The following AGBL4 variants were observed in gnomAD, a reference collection of about 807,000 sequenced individuals.
The protein encoded by AGBL4 is cytosolic carboxypeptidase 6.
A neutral mutation model predicts 66.4 loss-of-function variants in AGBL4; 58 were observed. The ratio of observed to expected loss-of-function variants is 0.87; its 90% CI spans 0.71 to 1.09. The LOEUF (loss-of-function observed/expected upper bound fraction) is 1.09, where lower values mean the gene tolerates loss of function less well. Among genes scored for constraint, AGBL4 ranks in the 50% least tolerant of loss-of-function variants. The pLI, the probability that AGBL4 is intolerant of heterozygous loss-of-function variation, is 0.00. For synonymous variants in AGBL4, 234 were observed against 222.9 expected (o/e 1.05, Z -0.44); for missense variants, 579 against 631.0 (o/e 0.92, Z 0.88).
At chr1:49,533,158 C>T (rs987897217) in intron 3 of AGBL4, among the ~76,000 whole-genome samples, 2 of 152,114 alleles carry the variant, frequency 1.3e-5, no homozygotes, top group South Asian at 2.1e-4. Context: ...CCCTTCTCTT[C>T]ACAACCACAC....
intron 3 of AGBL4, among the ~76,000 whole-genome samples, chr1:49,339,725 T>C (rs187564076): frequency 8.5e-5 from 13 of 152,344 alleles, no homozygotes; most frequent in Non-Finnish European, 1.2e-4. Flanking sequence ...ATTTTTATTA[T>C]AGAAATGGTT....
At chr1:49,948,012 A>ATATATTTATATTTATAAATATATATT in intron 1 of AGBL4, among the ~76,000 whole-genome samples, 1 of 49,826 alleles carries the variant, frequency 2.0e-5, no homozygotes, top group Non-Finnish European at 3.0e-5. Flanking sequence ...ATATATAAAT[A>ATATATTTATATTTATAAATATATATT]TATAAATATA....
rs567511006 is a variant in AGBL4 at position 49,194,331 on chromosome 1, C to T, written c.377+51439G>A. ...TCAGTTTTATTTGATATAAGAAGAG[C>T]TTCTCCTGCTCATTTTTGGTTTCCA... On this transcript the variant is annotated intron_variant, in intron 4 of 13. Coordinates refer to ENST00000371839, the MANE Select transcript of AGBL4 (RefSeq NM_032785.4). Among the ~76,000 whole-genome samples, 5 of 152,086 alleles carry T rather than the reference C, an allele frequency of 3.3e-5. No individual in the cohort carries two copies. The East Asian group carries it at 7.7e-4, about 23-fold the overall frequency.
intron 12 of AGBL4, among the ~76,000 whole-genome samples, chr1:48,535,739 C>T (rs1052898026): frequency 2.0e-5 from 3 of 152,140 alleles, no homozygotes; most frequent in South Asian, 2.1e-4. Flanking sequence ...TCAAATGCCA[C>T]TTCTTCTCTG....
chr1:49,122,483 A>G (rs1392967840), intron 4 of AGBL4, among the ~76,000 whole-genome samples: 1 of 152,228 alleles, frequency 6.6e-6, no homozygotes, highest in Non-Finnish European at 1.5e-5. Flanking sequence ...ACTTTCTAAC[A>G]AAAATATTCC....
At chr1:48,561,098 G>T (rs1317817499) in intron 11 of AGBL4, among the ~76,000 whole-genome samples, 1 of 152,138 alleles carries the variant, frequency 6.6e-6, no homozygotes, top group East Asian at 1.9e-4. Context: ...TTCTCTACCT[G>T]CTAAATTTAT....
intron 2 of AGBL4, among the ~76,000 whole-genome samples, chr1:49,774,374 C>T (rs532364304): frequency 6.6e-6 from 1 of 152,250 alleles, no homozygotes; most frequent in Admixed American, 6.5e-5. Flanking sequence ...GGTATCCTGG[C>T]TTCCATGCTC....
chr1:48,777,782 G>T (rs1033930038), intron 6 of AGBL4, among the ~76,000 whole-genome samples: 2 of 152,162 alleles, frequency 1.3e-5, no homozygotes, highest in Admixed American at 1.3e-4. Context: ...ACTTGGAATC[G>T]CGGAGGGAGT....
chr1:49,619,278 A>G (rs1410373200), intron 3 of AGBL4, among the ~76,000 whole-genome samples: 2 of 152,202 alleles, frequency 1.3e-5, no homozygotes, highest in Non-Finnish European at 2.9e-5. Flanking sequence ...AAGTCTCAGG[A>G]TACAAAACCA....
intron 5 of AGBL4, among the ~76,000 whole-genome samples, chr1:48,933,804 A>G (rs907518896): frequency 6.6e-6 from 1 of 152,210 alleles, no homozygotes; most frequent in Non-Finnish European, 1.5e-5. Context: ...CTTCTTCCCA[A>G]TCATCTCCAC....
chr1:49,760,492 AATGGCAATT>A (rs1414003367), intron 2 of AGBL4, among the ~76,000 whole-genome samples: 1 of 152,210 alleles, frequency 6.6e-6, no homozygotes, highest in Non-Finnish European at 1.5e-5. Flanking sequence ...CACCAGTCAT[AATGGCAATT>A]ATTAAAAAGT....
intron 1 of AGBL4, among the ~76,000 whole-genome samples, chr1:49,904,604 G>C (rs1650082195): frequency 6.6e-6 from 1 of 152,106 alleles, no homozygotes; most frequent in Non-Finnish European, 1.5e-5. Flanking sequence ...GCCTTCAATG[G>C]TACCTGTAGC....
intron 1 of AGBL4, among the ~76,000 whole-genome samples, chr1:49,985,369 G>A (rs1217645952): frequency 6.6e-6 from 1 of 152,072 alleles, no homozygotes; most frequent in East Asian, 1.9e-4. Flanking sequence ...AGAAATAAAG[G>A]CCTGAGAAAC....
chr1:48,571,774 C>T lies in AGBL4; in HGVS notation c.1267+15230G>A, dbSNP rs188135437. Among the ~76,000 whole-genome samples, 97 of 152,280 alleles carry T rather than the reference C, an allele frequency of 6.4e-4. 1 individual carries two copies. The East Asian group carries it at 0.015, about 24-fold the overall frequency. ...ATCCACCAGGATGTCATGTGGGCCT[C>T]GGGAGATTACTTTCTCACCACAAAC... On this transcript the variant is annotated intron_variant, in intron 11 of 13. Transcript: ENST00000371839.
At chr1:48,893,085 C>A (rs1338032867) in intron 5 of AGBL4, among the ~76,000 whole-genome samples, 2 of 152,078 alleles carry the variant, frequency 1.3e-5, no homozygotes, top group African/African-American at 4.8e-5. Context: ...AACACCCCTA[C>A]AAAAATCGAA....
chr1:49,491,809 A>G (rs1647189649), intron 3 of AGBL4, among the ~76,000 whole-genome samples: 1 of 151,978 alleles, frequency 6.6e-6, no homozygotes, highest in Admixed American at 6.6e-5. Flanking sequence ...AATGCAATAT[A>G]GTAGTCTCCT....
intron 3 of AGBL4, among the ~76,000 whole-genome samples, chr1:49,554,332 A>G (rs2148843121): frequency 6.6e-6 from 1 of 152,348 alleles, no homozygotes; most frequent in East Asian, 1.9e-4. Flanking sequence ...ATCATCAGCC[A>G]AGAGTCTGAG....
chr1:48,943,522 C>T (rs756417751), intron 5 of AGBL4, among the ~76,000 whole-genome samples: 2 of 152,228 alleles, frequency 1.3e-5, no homozygotes, highest in Non-Finnish European at 2.9e-5. Flanking sequence ...TACACTCCCA[C>T]TGAGGCATGC....
At chr1:49,933,391 CA>C (rs34708912) in intron 1 of AGBL4, among the ~76,000 whole-genome samples, 3,770 of 151,818 alleles carry the variant, frequency 0.025, 144 homozygotes, top group Admixed American at 0.11. Flanking sequence ...TCCTGTCTTA[CA>C]AAAAATGCTA....
Sources: allele counts gnomAD v4.1 joint callset (sites outside exome capture counted in the v4.1 genomes callset), GRCh38; gene constraint gnomAD v4.1.1; transcripts MANE v1.5; gene names NCBI Gene and HGNC (gene_info 2026-07-23, HGNC 2026-07-21).